Variants in ENKUR observed in about 807,000 individuals in gnomAD.
The protein encoded by ENKUR is enkurin.
A neutral mutation model predicts 27.6 loss-of-function variants in ENKUR; 19 were observed. The ratio of observed to expected loss-of-function variants is 0.69; its 90% CI spans 0.48 to 1.01. The LOEUF (loss-of-function observed/expected upper bound fraction) is 1.01, where lower values mean the gene tolerates loss of function less well. Among genes scored for constraint, ENKUR ranks in the 50% least tolerant of loss-of-function variants. The probability of loss-of-function intolerance (pLI) is 0.00; values close to 1 mark genes in which losing one functional copy is unlikely to be tolerated. For synonymous variants in ENKUR, 117 were observed against 96.9 expected, an observed-to-expected ratio of 1.21 and a Z score of -1.22; for missense variants, 312 against 310.5, an observed-to-expected ratio of 1.00 and a Z score of -0.04.
chr10:25,008,763 C>A (rs561011978), intron 1 of ENKUR, among the ~76,000 whole-genome samples: 97 of 152,242 alleles, frequency 6.4e-4, no homozygotes, highest in Non-Finnish European at 1.3e-3. Flanking sequence ...TGGGTATATA[C>A]CCAAAGGACC....
In ENKUR at chr10:24,995,859, A is replaced by C; in HGVS notation, c.234T>G (p.Phe78Leu). 1 of 1,603,148 alleles carries C rather than the reference A, an allele frequency of 6.2e-7. No homozygotes were observed. The highest frequency in any genetic ancestry group is 8.5e-7 in the Non-Finnish European group (1 of 1,177,030). Residue 78 changes from phenylalanine (F) to leucine (L), a missense_variant, in exon 3 of 6, where the codon TTT becomes TTG. Physicochemically the swap from Phe to Leu is conservative, Grantham distance 22. Coordinates refer to ENST00000331161, the MANE Select transcript of ENKUR (RefSeq NM_145010.4). Reference protein sequence around the residue: ...KEKTLPPKKNFDRNVPKKPAV... With the variant: ...KEKTLPPKKNLDRNVPKKPAV... ...CAGGCTTTTTGGGCACGTTCCGATCAAAGTTTTTTTCTGTTAAATATAACA... is the reference window on the plus strand; with the variant it reads ...CAGGCTTTTTGGGCACGTTCCGATCCAAGTTTTTTTCTGTTAAATATAACA...
chr10:25,031,874 A>G (rs763064230), intron 2 of ENKUR, among the ~76,000 whole-genome samples: 1 of 143,648 alleles, frequency 7.0e-6, no homozygotes, highest in Non-Finnish European at 1.5e-5. Context: ...GGATTTTGCT[A>G]TGTTGCCTAG....
At chr10:25,003,033 T>G (rs1588658425) in intron 1 of ENKUR, among the ~76,000 whole-genome samples, 2 of 152,008 alleles carry the variant, frequency 1.3e-5, no homozygotes, top group Admixed American at 6.6e-5. Flanking sequence ...TTATAGAAAA[T>G]AAGATACTCT....
intron 2 of ENKUR, among the ~76,000 whole-genome samples, chr10:25,045,255 G>C (rs531206391): frequency 6.6e-6 from 1 of 152,240 alleles, no homozygotes; most frequent in African/African-American, 2.4e-5. Context: ...CTGGTAGAAT[G>C]GGCAAGATGA....
chr10:25,060,977 G>A (rs1268628968), intron 2 of ENKUR: 3 of 727,490 alleles, frequency 4.1e-6, no homozygotes, highest in South Asian at 1.8e-5. Flanking sequence ...GCCTCCCAAA[G>A]TGTTGGGACT....
At chr10:24,999,654 G>C in intron 1 of ENKUR, 108 bp from the exon 2 acceptor site, 1 of 1,009,428 alleles carries the variant, frequency 9.9e-7, no homozygotes, top group Non-Finnish European at 1.4e-6. Context: ...GTCTATATTC[G>C]TATGGAAAAG....
upstream of ENKUR, among the ~76,000 whole-genome samples, chr10:25,018,028 TGC>T (rs1850642719): frequency 1.3e-5 from 2 of 152,326 alleles, no homozygotes; most frequent in South Asian, 4.1e-4. Flanking sequence ...ACATGATTTC[TGC>T]AGTTAGCACC....
At chr10:25,008,448 C>T (rs538033586) in intron 1 of ENKUR, among the ~76,000 whole-genome samples, 1 of 152,268 alleles carries the variant, frequency 6.6e-6, no homozygotes, top group Admixed American at 6.5e-5. Context: ...AAGTCAGATA[C>T]ATAACCATAC....
intron 2 of ENKUR, among the ~76,000 whole-genome samples, chr10:25,060,804 C>G (rs1482019990): frequency 6.6e-6 from 1 of 152,144 alleles, no homozygotes; most frequent in Admixed American, 6.6e-5. Flanking sequence ...AACTCCTAGG[C>G]TCAAGTGATC....
chr10:25,056,870 G>C (rs190472305), intron 2 of ENKUR, among the ~76,000 whole-genome samples: 1 of 152,154 alleles, frequency 6.6e-6, no homozygotes, highest in South Asian at 2.1e-4. Flanking sequence ...AATGAGACAG[G>C]CACCTGCAGC....
chr10:25,036,818 C>T lies in ENKUR; in HGVS notation c.37+24294G>A, dbSNP rs12263855. On this transcript the variant is annotated intron_variant, in intron 2 of 5. Coordinates refer to the ENKUR transcript ENST00000615958. The stretch of plus-strand genomic sequence containing the variant: ...TATTGATCTGCAACATTCCTAATGA[C>T]GTTTACATTTTCTTGAGGATTGGAG... Among the ~76,000 whole-genome samples, 1,519 of 152,284 alleles carry T rather than the reference C, an allele frequency of 1.0e-2. 15 individuals are homozygous for T. The highest frequency in any genetic ancestry group is 0.034 in the African/African-American group (1,428 of 41,556).
chr10:25,024,772 G>T (rs1444932749), intron 2 of ENKUR: 1 of 1,614,076 alleles, frequency 6.2e-7, no homozygotes, highest in African/African-American at 1.3e-5. Flanking sequence ...CATTTTAGCA[G>T]CAGTGTATGC....
chr10:25,024,791 TG>T, intron 2 of ENKUR: 1 of 1,614,188 alleles, frequency 6.2e-7, no homozygotes, highest in Non-Finnish European at 8.5e-7. Flanking sequence ...GCCAAAATGA[TG>T]GGAATCCCGA....
chr10:24,986,566 G>A (rs1416233238), intron 4 of ENKUR, among the ~76,000 whole-genome samples: 1 of 152,206 alleles, frequency 6.6e-6, no homozygotes, highest in Non-Finnish European at 1.5e-5. Flanking sequence ...ATTGCAGAGA[G>A]GAAGTCTATG....
At chr10:24,985,774 G>T (rs1390124708) in intron 4 of ENKUR, among the ~76,000 whole-genome samples, 4 of 152,076 alleles carry the variant, frequency 2.6e-5, no homozygotes, top group African/African-American at 9.7e-5. Flanking sequence ...TTCATTATGG[G>T]CACATAGATT....
At chr10:25,019,120 A>G (rs11014347), upstream of ENKUR, among the ~76,000 whole-genome samples, 37,625 of 152,132 alleles carry the variant, frequency 0.25, 5,662 homozygotes, top group East Asian at 0.5. Flanking sequence ...ATACACAGTT[A>G]GTTCTCCATA....
intron 4 of ENKUR, among the ~76,000 whole-genome samples, chr10:24,988,848 G>A (rs1176736333): frequency 1.3e-5 from 2 of 151,728 alleles, no homozygotes; most frequent in Non-Finnish European, 2.9e-5. Context: ...CATACAACCA[G>A]ATTGTCATCG....
At position 24,984,047 on chromosome 10, in the gene ENKUR, C is replaced by T. The variant is rs975559225; in HGVS notation, c.*323G>A. 3.6e-6 allele frequency: 1 copy of T among 277,538 alleles called. No homozygotes were observed. The highest frequency in any genetic ancestry group is 2.2e-5 in the African/African-American group (1 of 45,796). 17.2% of individuals were successfully genotyped at this position (277,538 alleles called of 1,614,324 possible). Reference sequence around the variant, plus strand: ...GAGTTGTGGAATAAAATAAGAGTATCGAGGTTGGTATGCTAGAAAGGAGGC... The same window carrying T: ...GAGTTGTGGAATAAAATAAGAGTATTGAGGTTGGTATGCTAGAAAGGAGGC... On this transcript the variant is annotated 3_prime_UTR_variant, in exon 6 of 6. Coordinates refer to ENST00000331161, the MANE Select transcript of ENKUR (RefSeq NM_145010.4).
chr10:25,002,891 C>T (rs1472406323), intron 1 of ENKUR, among the ~76,000 whole-genome samples: 1 of 151,438 alleles, frequency 6.6e-6, no homozygotes, highest in Non-Finnish European at 1.5e-5. Context: ...CAGATATGGT[C>T]TCGTGATTAA....
Sources: allele counts gnomAD v4.1 joint callset (sites outside exome capture counted in the v4.1 genomes callset), GRCh38; gene constraint gnomAD v4.1.1; transcripts MANE v1.5; gene names NCBI Gene and HGNC (gene_info 2026-07-23, HGNC 2026-07-21).